Variants in BTBD9 observed in about 807,000 individuals in gnomAD.
BTBD9 encodes the protein BTB/POZ domain-containing protein 9.
In BTBD9, 49 loss-of-function variants were observed where a neutral mutation model predicts 64.3. The ratio of observed to expected loss-of-function variants is 0.76; its 90% confidence interval spans 0.61 to 0.97. BTBD9 has a LOEUF of 0.97. Among genes scored for constraint, BTBD9 ranks in the 50% least tolerant of loss-of-function variants. BTBD9 has a pLI of 0.00. For missense variants in BTBD9, 598 were observed against 762.1 expected (o/e 0.78, Z 2.53); for synonymous variants, 260 against 274.7 (o/e 0.95, Z 0.53).
chr6:38,204,065 A>G (rs1239406255), intron 9 of BTBD9, among the ~76,000 whole-genome samples: 2 of 152,188 alleles, frequency 1.3e-5, no homozygotes, highest in Admixed American at 1.3e-4. Context: ...TTAAAAAAAG[A>G]TAACAGCAAC....
At chr6:38,189,230 C>A (rs1761947023) in intron 10 of BTBD9, among the ~76,000 whole-genome samples, 1 of 152,198 alleles carries the variant, frequency 6.6e-6, no homozygotes, top group South Asian at 2.1e-4. Flanking sequence ...CCACGAAGTG[C>A]TCTTGTCCAT....
chr6:38,262,655 G>T (rs909199230), intron 8 of BTBD9, among the ~76,000 whole-genome samples: 1 of 152,208 alleles, frequency 6.6e-6, no homozygotes, highest in East Asian at 1.9e-4. Flanking sequence ...TTTGTGGCTT[G>T]AGTCAGAAGT....
intron 7 of BTBD9, among the ~76,000 whole-genome samples, chr6:38,301,797 T>C (rs549975288): frequency 1.3e-5 from 2 of 152,352 alleles, no homozygotes; most frequent in Non-Finnish European, 2.9e-5. Flanking sequence ...TTGTTGAGCT[T>C]TTCAGAAAAC....
intron 6 of BTBD9, among the ~76,000 whole-genome samples, chr6:38,518,177 C>A (rs750913490): frequency 6.6e-6 from 1 of 152,096 alleles, no homozygotes; most frequent in South Asian, 2.1e-4. Context: ...CCCCCACCCC[C>A]GAACCAACTT....
At chr6:38,505,830 T>C (rs1267125157) in intron 6 of BTBD9, among the ~76,000 whole-genome samples, 1 of 151,350 alleles carries the variant, frequency 6.6e-6, no homozygotes, top group East Asian at 1.9e-4. Flanking sequence ...CCAGGTGTGG[T>C]GGCATGCGTC....
At chr6:38,185,525 T>C (rs1306635537) in intron 10 of BTBD9, among the ~76,000 whole-genome samples, 3 of 152,320 alleles carry the variant, frequency 2.0e-5, no homozygotes, top group East Asian at 3.9e-4. Flanking sequence ...ATTCTGATTC[T>C]GCCACTCAAG....
At chr6:38,399,387 C>T (rs2127631125) in intron 6 of BTBD9, among the ~76,000 whole-genome samples, 2 of 152,240 alleles carry the variant, frequency 1.3e-5, no homozygotes, top group Middle Eastern at 6.8e-3. Context: ...GACTTGGGAG[C>T]ATAAAGACTT....
intron 6 of BTBD9, among the ~76,000 whole-genome samples, chr6:38,352,883 TGCTACTG>T (rs1764576890): frequency 6.6e-6 from 1 of 152,256 alleles, no homozygotes; most frequent in Admixed American, 6.5e-5. Flanking sequence ...TGGTAGCTAT[TGCTACTG>T]GGTGCTGGGA....
intron 6 of BTBD9, among the ~76,000 whole-genome samples, chr6:38,575,917 G>A (rs1776003846): frequency 6.6e-6 from 1 of 152,028 alleles, no homozygotes; most frequent in Non-Finnish European, 1.5e-5. Flanking sequence ...AAAATAAGGA[G>A]AGTATAATAA....
chr6:38,243,004 G>C (rs1374339414), intron 9 of BTBD9, among the ~76,000 whole-genome samples: 1 of 151,990 alleles, frequency 6.6e-6, no homozygotes, highest in African/African-American at 2.4e-5. Context: ...GGAGGAGAAA[G>C]ATCAAGGAAG....
intron 6 of BTBD9, among the ~76,000 whole-genome samples, chr6:38,567,935 G>T (rs1189896132): frequency 6.6e-6 from 1 of 152,106 alleles, no homozygotes; most frequent in Non-Finnish European, 1.5e-5. Context: ...CAGAAAAACA[G>T]ATTATTATCC....
chr6:38,332,896 C>T (rs988087558), intron 7 of BTBD9, among the ~76,000 whole-genome samples: 1 of 152,138 alleles, frequency 6.6e-6, no homozygotes, highest in Admixed American at 6.5e-5. Flanking sequence ...CCAAGGTAGG[C>T]ATTTGTTGTT....
intron 9 of BTBD9, among the ~76,000 whole-genome samples, chr6:38,218,396 C>A (rs1284504886): frequency 6.6e-6 from 1 of 152,052 alleles, no homozygotes; most frequent in Non-Finnish European, 1.5e-5. Context: ...CCTTTCCAAC[C>A]CTCTTTGTGC....
At chr6:38,191,203 A>T (rs760266632) in intron 10 of BTBD9, among the ~76,000 whole-genome samples, 3 of 152,236 alleles carry the variant, frequency 2.0e-5, no homozygotes, top group Admixed American at 6.5e-5. Flanking sequence ...CTCTGCAAGA[A>T]ACACATTGTA....
chr6:38,531,579 T>C (rs1773800899), intron 6 of BTBD9, among the ~76,000 whole-genome samples: 1 of 152,158 alleles, frequency 6.6e-6, no homozygotes, highest in South Asian at 2.1e-4. Flanking sequence ...TGTAAACTAC[T>C]TACATCTTAA....
At chr6:38,510,805 C>T (rs2127410116) in intron 6 of BTBD9, among the ~76,000 whole-genome samples, 1 of 152,288 alleles carries the variant, frequency 6.6e-6, no homozygotes, top group South Asian at 2.1e-4. Context: ...TCCACCTCCA[C>T]ATCTTGTCCC....
intron 6 of BTBD9, among the ~76,000 whole-genome samples, chr6:38,491,722 A>G (rs1771710427): frequency 6.6e-6 from 1 of 152,228 alleles, no homozygotes; most frequent in African/African-American, 2.4e-5. Context: ...TCAAATGAGA[A>G]GAAACCACAA....
intron 10 of BTBD9, among the ~76,000 whole-genome samples, chr6:38,179,130 C>T (rs1302567983): frequency 1.3e-5 from 2 of 152,104 alleles, no homozygotes; most frequent in Non-Finnish European, 2.9e-5. Flanking sequence ...GGATTACAGG[C>T]GTGAGCTACC....
Position 38,426,893 on chromosome 6 carries a change from G to A in BTBD9, c.1155-81800C>T, listed in dbSNP as rs542434455. 1.8e-3 allele frequency among the ~76,000 whole-genome samples: 268 copies of A among 151,888 alleles called. No individual in the cohort carries two copies. The South Asian group carries it at 0.026, about 15-fold the overall frequency. ...CCATCTTGGAAGCTCTGTGAGCAAG[G>A]AACCCTGGTAACAGTATCATGTCTA... On this transcript the variant is annotated intron_variant, in intron 6 of 10. Transcript: ENST00000481247.
Sources: gnomAD v4.1 joint callset for allele counts (sites outside exome capture counted in the v4.1 genomes callset) on GRCh38, gnomAD v4.1.1 for gene constraint, MANE v1.5 for transcripts, NCBI Gene and HGNC (gene_info 2026-07-23, HGNC 2026-07-21) for gene names.